ANKS1B: variants seen among roughly 807,000 people sequenced by gnomAD.
The protein encoded by ANKS1B is ankyrin repeat and sterile alpha motif domain-containing protein 1B.
A neutral mutation model predicts 148.3 loss-of-function variants in ANKS1B; 36 were observed. The observed-to-expected ratio is 0.24, with a 90% CI of 0.19 to 0.32. The LOEUF (loss-of-function observed/expected upper bound fraction) is 0.32, where lower values mean the gene tolerates loss of function less well. Ranked by LOEUF, ANKS1B falls within the 10% of genes least tolerant of loss-of-function variation. The probability of loss-of-function intolerance (pLI) is 1.00; values close to 1 mark genes in which losing one functional copy is unlikely to be tolerated. For synonymous variants in ANKS1B, 542 were observed against 560.8 expected (o/e 0.97, Z 0.47); for missense variants, 1,157 against 1,542.6 (o/e 0.75, Z 4.19).
chr12:99,248,187 T>C, intron 12 of ANKS1B, among the ~76,000 whole-genome samples: 1 of 152,152 alleles, frequency 6.6e-6, no homozygotes, highest in East Asian at 1.9e-4. Flanking sequence ...ATAATAAATC[T>C]TATTAGACAT....
intron 14 of ANKS1B, among the ~76,000 whole-genome samples, chr12:99,183,956 A>G (rs2079463762): frequency 6.6e-6 from 1 of 152,226 alleles, no homozygotes; most frequent in African/African-American, 2.4e-5. Flanking sequence ...AATTAATCAA[A>G]ATGCAGTTTC....
chr12:98,797,084 T>C (rs1302577509), intron 22 of ANKS1B, among the ~76,000 whole-genome samples: 6 of 152,240 alleles, frequency 3.9e-5, no homozygotes, highest in African/African-American at 1.2e-4. Flanking sequence ...TGAATATTTC[T>C]AAAATTATTA....
chr12:98,995,906 C>T (rs1253572127), intron 17 of ANKS1B, among the ~76,000 whole-genome samples: 3 of 151,996 alleles, frequency 2.0e-5, no homozygotes, highest in African/African-American at 4.8e-5. Context: ...GCACAGGGAG[C>T]GAGAAAGAGC....
chr12:98,834,706 C>T (rs1185990286), intron 17 of ANKS1B, among the ~76,000 whole-genome samples: 2 of 152,066 alleles, frequency 1.3e-5, no homozygotes, highest in African/African-American at 2.4e-5. Context: ...ACTATGTATT[C>T]CTTTCAGATG....
Position 99,504,593 on chromosome 12 carries a change from C to T in ANKS1B, c.1321G>A (p.Ala441Thr), listed in dbSNP as rs144266920. The change falls in exon 10 of 27, where the codon GCT becomes ACT. Residue 441 changes from alanine (A) to threonine (T), a missense_variant. By Grantham distance (58) the Ala-to-Thr change is moderately conservative. Coordinates refer to ENST00000683438, the MANE Select transcript of ANKS1B (RefSeq NM_001352186.2). ...TCTGAAGGAAATGTATCCAGAGAAG[C>T]AGATGGTACAATTTCCATAGTGTAA... is the stretch of plus-strand genomic sequence containing the variant. ...RNYTMEIVPS[A>T]SLDTFPSENE... 1.2e-6 allele frequency: 2 copies of T among 1,610,540 alleles called. No homozygotes were observed. Among genetic ancestry groups the T allele is most frequent in the African/African-American group, 2.7e-5 (2 of 74,936 alleles).
At chr12:99,904,323 C>T (rs1448160557) in intron 1 of ANKS1B, among the ~76,000 whole-genome samples, 1 of 151,812 alleles carries the variant, frequency 6.6e-6, no homozygotes, top group Non-Finnish European at 1.5e-5. Flanking sequence ...TCCCAAGTAG[C>T]TGGGATTACA....
intron 24 of ANKS1B, among the ~76,000 whole-genome samples, chr12:98,778,909 G>A (rs1039677688): frequency 6.6e-6 from 1 of 152,190 alleles, no homozygotes; most frequent in Non-Finnish European, 1.5e-5. Context: ...CATACTGGGG[G>A]AGATCAGCTA....
At chr12:99,949,435 A>C (rs1042065736) in intron 1 of ANKS1B, among the ~76,000 whole-genome samples, 3 of 152,214 alleles carry the variant, frequency 2.0e-5, no homozygotes, top group African/African-American at 7.2e-5. Flanking sequence ...AAGTAGCACA[A>C]ACTCTTTACA....
Position 99,333,854 on chromosome 12 carries a change from G to GTTTTTTTTTT in ANKS1B, c.1756+65767_1756+65776dup, listed in dbSNP as rs10526476. Reference sequence around the variant, plus strand: ...ATCAAAGTCACATTTCCAGTTCTCAGTTTTTTTTTTTTTTTTTTTTTAACA... The same window carrying GTTTTTTTTTT: ...ATCAAAGTCACATTTCCAGTTCTCAGTTTTTTTTTTTTTTTTTTTTTTTTTTTTTTTAACA... On this transcript the variant is annotated intron_variant, in intron 12 of 26. Transcript: ENST00000683438. Among the ~76,000 whole-genome samples the GTTTTTTTTTT allele has an allele frequency of 1.6e-4, 17 of 107,456 alleles. 2 individuals carry two copies. Among genetic ancestry groups the GTTTTTTTTTT allele is most frequent in the African/African-American group, 2.8e-4 (7 of 25,102 alleles). 70.5% of individuals were successfully genotyped at this position (107,456 alleles called of 152,430 possible).
chr12:99,512,611 T>C (rs2096777723), intron 9 of ANKS1B, among the ~76,000 whole-genome samples: 1 of 152,138 alleles, frequency 6.6e-6, no homozygotes, highest in Admixed American at 6.5e-5. Context: ...TATAAGTTCA[T>C]TACAGCACTG....
chr12:99,587,126 A>G lies in ANKS1B; in HGVS notation c.1272+67941T>C, dbSNP rs150154949. 3.9e-3 allele frequency among the ~76,000 whole-genome samples: 596 copies of G among 152,298 alleles called. 1 individual carries two copies. The highest frequency in any genetic ancestry group is 0.013 in the African/African-American group (551 of 41,552). On this transcript the variant is annotated intron_variant, in intron 9 of 26. Transcript: ENST00000683438. ...AGCAAATGGCAGAGCAGGGTAAAGA[A>G]GCTTTTTCATCAATATTAGATCTTA...
intron 25 of ANKS1B, among the ~76,000 whole-genome samples, chr12:98,754,175 T>C (rs2153411182): frequency 6.6e-6 from 1 of 152,338 alleles, no homozygotes; most frequent in Non-Finnish European, 1.5e-5. Context: ...ATACTGCACC[T>C]TGCACAGCAA....
At chr12:99,426,952 T>C (rs2095266440) in intron 11 of ANKS1B, among the ~76,000 whole-genome samples, 1 of 152,184 alleles carries the variant, frequency 6.6e-6, no homozygotes, top group African/African-American at 2.4e-5. Context: ...AAGCCATAAA[T>C]CTGGACATGC....
intron 2 of ANKS1B, among the ~76,000 whole-genome samples, chr12:99,813,215 C>A (rs1473365122): frequency 3.3e-5 from 5 of 151,586 alleles, no homozygotes; most frequent in African/African-American, 7.3e-5. Flanking sequence ...CTGCATTACT[C>A]AACCTTAGAA....
intron 2 of ANKS1B, among the ~76,000 whole-genome samples, chr12:99,820,123 G>T (rs2082330381): frequency 6.6e-6 from 1 of 151,814 alleles, no homozygotes; most frequent in African/African-American, 2.4e-5. Context: ...TATTAACCAT[G>T]ATTTTTTCCT....
chr12:99,386,544 C>T (rs2093866708), intron 12 of ANKS1B, among the ~76,000 whole-genome samples: 1 of 151,950 alleles, frequency 6.6e-6, no homozygotes, highest in Admixed American at 6.5e-5. Flanking sequence ...ACAGGGATCA[C>T]TCAAGTTTTT....
chr12:98,929,017 TG>T (rs1271038419), intron 17 of ANKS1B, among the ~76,000 whole-genome samples: 1 of 151,040 alleles, frequency 6.6e-6, no homozygotes, highest in Non-Finnish European at 1.5e-5. Flanking sequence ...GCAGATTACG[TG>T]ATCGTTATAT....
At chr12:98,840,070 T>C (rs2099397379) in intron 17 of ANKS1B, among the ~76,000 whole-genome samples, 1 of 152,138 alleles carries the variant, frequency 6.6e-6, no homozygotes, top group Non-Finnish European at 1.5e-5. Context: ...CTCAAACCCC[T>C]GTCAAGGTGG....
chr12:99,941,010 A>G (rs1453511004), intron 1 of ANKS1B, among the ~76,000 whole-genome samples: 1 of 152,180 alleles, frequency 6.6e-6, no homozygotes, highest in Non-Finnish European at 1.5e-5. Context: ...CTCTTCCTCA[A>G]TAGATGTCAA....
Sources: gnomAD v4.1 joint callset for allele counts (sites outside exome capture counted in the v4.1 genomes callset) on GRCh38, gnomAD v4.1.1 for gene constraint, MANE v1.5 for transcripts, NCBI Gene and HGNC (gene_info 2026-07-23, HGNC 2026-07-21) for gene names.